RNF130: variants seen among roughly 807,000 people sequenced by gnomAD.
RNF130 encodes E3 ubiquitin-protein ligase RNF130.
RNF130 carries 21 observed loss-of-function variants against 44.6 expected under a neutral mutation model. The ratio of observed to expected loss-of-function variants is 0.47; its 90% CI spans 0.33 to 0.68. RNF130 has a LOEUF of 0.68. RNF130 is among the 30% of genes least tolerant of loss of function. The pLI, the probability that RNF130 is intolerant of heterozygous loss-of-function variation, is 0.02. For synonymous variants in RNF130, 214 were observed against 210.4 expected, an observed-to-expected ratio of 1.02 and a Z score of -0.15; for missense variants, 479 against 560.6, an observed-to-expected ratio of 0.85 and a Z score of 1.47.
chr5:179,939,308 C>G (rs998060148), intron 7 of RNF130: 5 of 155,290 alleles, frequency 3.2e-5, no homozygotes, highest in African/African-American at 1.2e-4. Context: ...GTGGTCCTAA[C>G]AATAAACTCA....
At chr5:179,992,331 C>CG (rs1386898683) in intron 3 of RNF130, among the ~76,000 whole-genome samples, 5 of 152,042 alleles carry the variant, frequency 3.3e-5, no homozygotes, top group African/African-American at 1.2e-4. Flanking sequence ...TTAGTAGAGA[C>CG]GGGGTTTCAC....
intron 7 of RNF130, among the ~76,000 whole-genome samples, chr5:179,929,325 G>C (rs1295931009): frequency 6.6e-6 from 1 of 152,142 alleles, no homozygotes; most frequent in Non-Finnish European, 1.5e-5. Flanking sequence ...GTCCATCCTT[G>C]CATCGATACC....
chr5:179,967,284 C>T (rs367754351), intron 6 of RNF130, among the ~76,000 whole-genome samples: 2 of 152,196 alleles, frequency 1.3e-5, no homozygotes, highest in East Asian at 1.9e-4. Context: ...GGCCCACAGG[C>T]ACAGGGAGTC....
At chr5:179,960,154 A>C (rs1325997603) in intron 8 of RNF130, among the ~76,000 whole-genome samples, 1 of 152,238 alleles carries the variant, frequency 6.6e-6, no homozygotes, top group Non-Finnish European at 1.5e-5. Context: ...ATGAATAGCC[A>C]AGTAGAGCAG....
intron 1 of RNF130, among the ~76,000 whole-genome samples, chr5:180,056,087 AAAAAAC>A (rs532494911): frequency 4.1e-4 from 62 of 152,268 alleles, no homozygotes; most frequent in East Asian, 1.7e-3. Flanking sequence ...GGGTCTTAAA[AAAAAAC>A]AAAAACAAAA....
intron 1 of RNF130, among the ~76,000 whole-genome samples, chr5:180,070,407 G>A (rs1034917919): frequency 2.0e-5 from 3 of 152,202 alleles, no homozygotes; most frequent in Non-Finnish European, 4.4e-5. Flanking sequence ...CAGCCAGACT[G>A]TCTCAAAGAA....
At chr5:180,038,573 C>A (rs879645310) in intron 2 of RNF130, among the ~76,000 whole-genome samples, 2 of 152,052 alleles carry the variant, frequency 1.3e-5, no homozygotes, top group Non-Finnish European at 2.9e-5. Flanking sequence ...GACTACATTT[C>A]AAGCATTTTC....
At chr5:179,942,968 G>T (rs1360775066) in intron 7 of RNF130, among the ~76,000 whole-genome samples, 1 of 152,190 alleles carries the variant, frequency 6.6e-6, no homozygotes, top group Non-Finnish European at 1.5e-5. Flanking sequence ...AGGCCGAGGA[G>T]GGTGGATCAT....
At chr5:180,049,603 T>A (rs781204698) in intron 1 of RNF130, among the ~76,000 whole-genome samples, 18 of 152,318 alleles carry the variant, frequency 1.2e-4, no homozygotes, top group Non-Finnish European at 1.9e-4. Flanking sequence ...AATACTTTGA[T>A]ACATTGTTTC....
At chr5:179,956,136 CCTTGCATCAGGTGTA>C (rs577717437) in intron 8 of RNF130, 1 of 153,850 alleles carries the variant, frequency 6.5e-6, no homozygotes, top group South Asian at 2.0e-4. Context: ...GTGTTTCTGT[CCTTGCATCAGGTGTA>C]AAAACAGCCT....
At chr5:179,954,465 G>A (rs564216090), downstream of RNF130, among the ~76,000 whole-genome samples, 1 of 152,280 alleles carries the variant, frequency 6.6e-6, no homozygotes. Context: ...AAAGACGCCA[G>A]ACACAAAAGG....
At chr5:180,044,450 C>T (rs1295026308) in intron 1 of RNF130, among the ~76,000 whole-genome samples, 1 of 152,124 alleles carries the variant, frequency 6.6e-6, no homozygotes, top group Non-Finnish European at 1.5e-5. Flanking sequence ...GGGCTCCTCA[C>T]CTCAATGAAT....
chr5:179,983,750 T>C (rs1429422326), intron 3 of RNF130, among the ~76,000 whole-genome samples: 14 of 152,234 alleles, frequency 9.2e-5, no homozygotes, highest in Non-Finnish European at 2.9e-5. Context: ...CTTAACAACA[T>C]TAAGTCTTCC....
chr5:180,042,933 T>A (rs1764460120), intron 1 of RNF130, among the ~76,000 whole-genome samples: 2 of 152,246 alleles, frequency 1.3e-5, no homozygotes, highest in South Asian at 4.1e-4. Context: ...CTATCACAGG[T>A]GACTGAAATT....
At chr5:180,070,905 C>A (rs977897816) in intron 1 of RNF130, among the ~76,000 whole-genome samples, 3 of 151,932 alleles carry the variant, frequency 2.0e-5, no homozygotes, top group African/African-American at 7.3e-5. Context: ...CATTTTCAGG[C>A]GTCAAATTAC....
intron 2 of RNF130, among the ~76,000 whole-genome samples, chr5:180,028,403 C>G (rs1764042531): frequency 1.3e-5 from 2 of 152,180 alleles, no homozygotes; most frequent in Non-Finnish European, 2.9e-5. Flanking sequence ...CTGATTTTCT[C>G]CATTTCCTTC....
intron 1 of RNF130, among the ~76,000 whole-genome samples, chr5:180,059,882 T>C (rs899598937): frequency 2.0e-5 from 3 of 152,108 alleles, no homozygotes; most frequent in African/African-American, 4.8e-5. Context: ...GACCTGTCAG[T>C]GAATACATCA....
intron 7 of RNF130, among the ~76,000 whole-genome samples, chr5:179,964,661 T>C (rs899217173): frequency 6.6e-6 from 1 of 152,260 alleles, no homozygotes; most frequent in African/African-American, 2.4e-5. Context: ...GGCATTTTTC[T>C]AGAAAAACAT....
downstream of RNF130, among the ~76,000 whole-genome samples, chr5:179,952,867 G>A (rs1360555901): frequency 6.6e-6 from 1 of 152,148 alleles, no homozygotes; most frequent in African/African-American, 2.4e-5. Context: ...CTAGTCTATA[G>A]TCTTAATAGC....
Sources: allele counts gnomAD v4.1 joint callset (sites outside exome capture counted in the v4.1 genomes callset), GRCh38; gene constraint gnomAD v4.1.1; transcripts MANE v1.5; gene names NCBI Gene and HGNC (gene_info 2026-07-23, HGNC 2026-07-21).